Variants in MYO7A observed in about 807,000 individuals in gnomAD.
MYO7A encodes unconventional myosin-VIIa.
A neutral mutation model predicts 263.8 loss-of-function variants in MYO7A; 210 were observed. That is an observed-to-expected ratio of 0.80 (90% confidence interval 0.71 to 0.89). The LOEUF is 0.89. Ranked by LOEUF, MYO7A falls within the 40% of genes least tolerant of loss-of-function variation. The pLI is 0.00. For synonymous variants in MYO7A, 1,239 were observed against 1,197.3 expected (o/e 1.03, Z -0.72); for missense variants, 2,820 against 2,968.3 (o/e 0.95, Z 1.16).
intron 37 of MYO7A, 65 bp from the exon 38 acceptor site, chr11:77,202,995 C>T (rs1957175427): frequency 6.5e-7 from 1 of 1,527,298 alleles, no homozygotes; most frequent in Non-Finnish European, 8.8e-7. Flanking sequence ...GGTCTCACAA[C>T]CTGGGGGTTT....
chr11:77,142,684 G>C, intron 2 of MYO7A, 25 bp from the exon 3 acceptor site: 1 of 1,584,044 alleles, frequency 6.3e-7, no homozygotes, highest in Non-Finnish European at 8.6e-7. Context: ...TGCTCACCTG[G>C]GCTGAGACTC....
Position 77,181,375 on chromosome 11 carries a change from C to T in MYO7A, c.2695-5C>T. The T allele has an allele frequency of 6.4e-7, 1 of 1,554,386 alleles. No individual in the cohort carries two copies. The highest frequency in any genetic ancestry group is 8.7e-7 in the Non-Finnish European group (1 of 1,150,940). On this transcript the variant is annotated splice_region_variant and splice_polypyrimidine_tract_variant and intron_variant, in intron 22 of 48. Transcript: ENST00000409709. ...CGTGTCTTCTGTGTCACCCCAATTGCCCAGGAGCGCCTGGCCCAGCTGGCT... is the reference window on the plus strand; with the variant it reads ...CGTGTCTTCTGTGTCACCCCAATTGTCCAGGAGCGCCTGGCCCAGCTGGCT...
At chr11:77,157,552 A>G (rs1470046410) in intron 8 of MYO7A, among the ~76,000 whole-genome samples, 160 bp downstream of exon 8, 1 of 152,156 alleles carries the variant, frequency 6.6e-6, no homozygotes, top group African/African-American at 2.4e-5. Context: ...GCTCCTGGCC[A>G]TTGCTGCCAC....
chr11:77,211,756 C>T, intron 45 of MYO7A, 65 bp from the exon 46 acceptor site: 1 of 1,304,636 alleles, frequency 7.7e-7, no homozygotes, highest in Middle Eastern at 2.0e-4. Flanking sequence ...GAGCTCTGAG[C>T]TGGCCTGCCC....
At chr11:77,179,391 C>T (rs1245536684) in intron 20 of MYO7A, among the ~76,000 whole-genome samples, 7 of 152,204 alleles carry the variant, frequency 4.6e-5, no homozygotes, top group African/African-American at 1.7e-4. Context: ...TATTAGAGAT[C>T]TCAGACAGGG....
At chr11:77,132,489 T>TTGTG (rs535203704) in intron 2 of MYO7A, among the ~76,000 whole-genome samples, 211 of 152,054 alleles carry the variant, frequency 1.4e-3, no homozygotes, top group African/African-American at 4.6e-3. Context: ...GTTTGTTTGT[T>TTGTG]TGTGTGTGTG....
intron 4 of MYO7A, among the ~76,000 whole-genome samples, chr11:77,152,918 G>T (rs1399600935): frequency 6.6e-6 from 1 of 152,152 alleles, no homozygotes; most frequent in Non-Finnish European, 1.5e-5. Flanking sequence ...GGGATGGAGT[G>T]TGGTGCTTTT....
intron 4 of MYO7A, among the ~76,000 whole-genome samples, chr11:77,148,189 C>T (rs1167279497): frequency 6.6e-6 from 1 of 152,178 alleles, no homozygotes; most frequent in Non-Finnish European, 1.5e-5. Flanking sequence ...GGGTGGGGAG[C>T]GGTTTGTACT....
At chr11:77,143,371 A>G (rs188345859) in intron 3 of MYO7A, among the ~76,000 whole-genome samples, 40 of 152,382 alleles carry the variant, frequency 2.6e-4, no homozygotes, top group Non-Finnish European at 5.3e-4. Flanking sequence ...GGTTACTGAC[A>G]TCACATGAAT....
chr11:77,140,420 C>G (rs1951136699), intron 2 of MYO7A, among the ~76,000 whole-genome samples: 1 of 152,268 alleles, frequency 6.6e-6, no homozygotes, highest in Non-Finnish European at 1.5e-5. Flanking sequence ...AGTCCTGGCT[C>G]TGCCACAAAA....
At chr11:77,156,226 A>G in intron 5 of MYO7A, 135 bp downstream of exon 5, 1 of 928,210 alleles carries the variant, frequency 1.1e-6, no homozygotes, top group Non-Finnish European at 1.6e-6. Context: ...AGACCTATGT[A>G]CTCTGTGCTG....
chr11:77,159,417 C>A, intron 9 of MYO7A, 30 bp from the exon 10 acceptor site: 1 of 1,491,176 alleles, frequency 6.7e-7, no homozygotes, highest in Non-Finnish European at 9.3e-7. Flanking sequence ...ACCCTCCCTC[C>A]CCTGATGCTG....
At chr11:77,159,153 C>A (rs1440492993) in intron 9 of MYO7A, among the ~76,000 whole-genome samples, 4 of 152,216 alleles carry the variant, frequency 2.6e-5, no homozygotes, top group African/African-American at 7.2e-5. Context: ...CTGCCAAGAG[C>A]CCTGGGAGTG....
intron 29 of MYO7A, 112 bp downstream of exon 29, chr11:77,190,251 A>T: frequency 1.8e-6 from 2 of 1,129,362 alleles, no homozygotes; most frequent in Non-Finnish European, 2.4e-6. Context: ...CTGCTTTGAG[A>T]TTCTGTGGTT....
At position 77,181,317 on chromosome 11, in the gene MYO7A, G is replaced by A. The variant is rs957865638; in HGVS notation, c.2695-63G>A. The A allele has an allele frequency of 4.2e-6, 6 of 1,444,522 alleles. No homozygotes were observed. In the African/African-American group the frequency reaches 5.7e-5, roughly 14 times the overall value. The allele number at this position is 1,444,522 out of a possible 1,614,324, so 89.5% of individuals were successfully genotyped here. ...TGCAGGGGCTCCCCAGGGAGAGCTT[G>A]TTCCCTGAGGCTGTGGCACCGGGGG... On this transcript the variant is annotated intron_variant, in intron 22 of 48. Transcript: ENST00000409709.
Position 77,166,106 on chromosome 11 carries a change from G to A in MYO7A, c.1741G>A (p.Val581Ile). The part of the protein sequence containing the change: ...DTLHGDIIQL[V>I]HSSRNKFIKQ... ...CCTGCATGGGGACATTATCCAGCTG[G>A]TCCACTCCTCCAGGAACAAGTTCAT... Residue 581 changes from valine (V) to isoleucine (I), a missense_variant, in exon 15 of 49, where the codon GTC becomes ATC. Transcript: ENST00000409709. 1 of 1,613,890 alleles carries A rather than the reference G, an allele frequency of 6.2e-7. No individual in the cohort carries two copies. Among genetic ancestry groups the A allele is most frequent in the Non-Finnish European group, 8.5e-7 (1 of 1,179,868 alleles).
chr11:77,193,001 C>T (rs35410706), intron 31 of MYO7A, among the ~76,000 whole-genome samples: 4 of 67,706 alleles, frequency 5.9e-5, no homozygotes, highest in South Asian at 3.7e-4. Flanking sequence ...GGTAGTGATG[C>T]TGTTGGTGAT....
rs375627342 is a variant in MYO7A at position 77,206,121 on chromosome 11, G to A, written c.5661G>A (p.Pro1887=). The part of the protein sequence containing the change: ...ALRNGSRKYP[P]HLVEVEAIQH... ...GAAACGGGTCCCGGAAGTACCCTCC[G>A]CACCTGGTGGAGGTGGAGGCCATCC... Residue 1887 remains proline, a synonymous_variant, in exon 41 of 49, where the codon CCG becomes CCA. Transcript: ENST00000409709. 43 of 1,612,860 alleles carry A rather than the reference G, an allele frequency of 2.7e-5. No homozygotes were observed. In the East Asian group the frequency reaches 5.4e-4, roughly 20 times the overall value.
Position 77,162,972 on chromosome 11 carries a change from C to G in MYO7A, c.1674C>G (p.Val558=). 1 of 1,613,920 alleles carries G rather than the reference C, an allele frequency of 6.2e-7. No homozygotes were observed. Among genetic ancestry groups the G allele is most frequent in the Non-Finnish European group, 8.5e-7 (1 of 1,179,870 alleles). Residue 558 remains valine (V), a synonymous_variant, in exon 14 of 49, where the codon GTC becomes GTG. Transcript: ENST00000409709. The part of the protein sequence containing the change: ...QFGINHFAGI[V]YYETQGFLEK... ...GCATCAACCATTTTGCAGGCATCGT[C>G]TACTATGAGACCCAAGGTACAGAGG... is the stretch of plus-strand genomic sequence containing the variant.
Sources: gnomAD v4.1 joint callset for allele counts (sites outside exome capture counted in the v4.1 genomes callset) on GRCh38, gnomAD v4.1.1 for gene constraint, MANE v1.5 for transcripts, NCBI Gene and HGNC (gene_info 2026-07-23, HGNC 2026-07-21) for gene names.